DNAJC12: variants seen among roughly 807,000 people sequenced by gnomAD.
DNAJC12 encodes the protein dnaJ homolog subfamily C member 12.
DNAJC12 carries 25 observed loss-of-function variants against 28.5 expected under a neutral mutation model. The ratio of observed to expected loss-of-function variants is 0.88; its 90% confidence interval spans 0.64 to 1.22. The LOEUF (loss-of-function observed/expected upper bound fraction) is 1.22. DNAJC12 is among the 50% of genes most tolerant of loss of function. The pLI, the probability that DNAJC12 is intolerant of heterozygous loss-of-function variation, is 0.00. For missense variants in DNAJC12, 222 were observed against 231.7 expected (o/e 0.96, Z 0.27); for synonymous variants, 77 against 80.6 (o/e 0.95, Z 0.24).
At position 67,811,536 on chromosome 10, in the gene DNAJC12, G is replaced by T. The variant is rs377051523; in HGVS notation, c.285C>A (p.Asp95Glu). ...GCGAGAAACCCACCGTCTTCACTGA[G>T]TCATTCAAAGCTTCCCACTGCTGGA... ...MPFQQWEALN[D>E]SVKTSMHWVV... The change falls in exon 3 of 5, where the codon GAC (aspartate) becomes GAA (glutamate). Residue 95 changes from aspartate to glutamate, a missense_variant. By Grantham distance (45) the Asp-to-Glu change is conservative (BLOSUM62 2). Transcript: ENST00000225171. 40 of 1,614,060 alleles carry T rather than the reference G, an allele frequency of 2.5e-5. No homozygotes were observed. Among genetic ancestry groups the T allele is most frequent in the Non-Finnish European group, 3.2e-5 (38 of 1,180,026 alleles).
At chr10:67,816,527 G>A (rs1216804785) in intron 2 of DNAJC12, among the ~76,000 whole-genome samples, 2 of 143,634 alleles carry the variant, frequency 1.4e-5, no homozygotes, top group Non-Finnish European at 3.0e-5. Context: ...CAGGTTCTTA[G>A]TCTGAAGTTT....
chr10:67,799,888 A>AAAAAC (rs1290521475), intron 4 of DNAJC12, among the ~76,000 whole-genome samples: 1 of 150,492 alleles, frequency 6.6e-6, no homozygotes, highest in African/African-American at 2.4e-5. Context: ...CAAAAAAAAA[A>AAAAAC]AAATGTAGTT....
chr10:67,800,800 C>G (rs896263048), intron 4 of DNAJC12, among the ~76,000 whole-genome samples: 2 of 152,034 alleles, frequency 1.3e-5, no homozygotes, highest in Non-Finnish European at 2.9e-5. Flanking sequence ...AAAAAATTAG[C>G]CGGGCATGAT....
chr10:67,830,609 A>AT (rs1564867384), intron 1 of DNAJC12, among the ~76,000 whole-genome samples: 2 of 139,304 alleles, frequency 1.4e-5, no homozygotes, highest in East Asian at 2.6e-4. Context: ...CTCCGTCTCA[A>AT]AAAATAAATA....
At chr10:67,836,201 G>T (rs1842141157) in intron 1 of DNAJC12, among the ~76,000 whole-genome samples, 1 of 151,992 alleles carries the variant, frequency 6.6e-6, no homozygotes, top group Non-Finnish European at 1.5e-5. Context: ...CCTGTCGGGG[G>T]GTGGGGGAGA....
At chr10:67,822,717 G>T (rs1329838809) in intron 2 of DNAJC12, among the ~76,000 whole-genome samples, 3 of 152,032 alleles carry the variant, frequency 2.0e-5, no homozygotes, top group Non-Finnish European at 4.4e-5. Flanking sequence ...CAACCGCCTA[G>T]CCGGGCACAC....
At chr10:67,811,145 G>C (rs756980649) in intron 3 of DNAJC12, 1 of 335,892 alleles carries the variant, frequency 3.0e-6, no homozygotes, top group Non-Finnish European at 4.3e-6. Context: ...CTTGAAAAGA[G>C]AGCAAGCTGA....
intron 1 of DNAJC12, among the ~76,000 whole-genome samples, chr10:67,835,264 G>C (rs1842131121): frequency 6.6e-6 from 1 of 152,076 alleles, no homozygotes; most frequent in African/African-American, 2.4e-5. Context: ...GATGAGTTCT[G>C]GTTAATTTTA....
chr10:67,828,678 A>C (rs150034717), intron 1 of DNAJC12, among the ~76,000 whole-genome samples: 21,205 of 133,496 alleles, frequency 0.16, 2,041 homozygotes, highest in African/African-American at 0.3. Flanking sequence ...CTCTCTCTAT[A>C]TATATATATA....
intron 1 of DNAJC12, among the ~76,000 whole-genome samples, chr10:67,837,575 T>C (rs1356204138): frequency 6.6e-6 from 1 of 152,158 alleles, no homozygotes; most frequent in Non-Finnish European, 1.5e-5. Flanking sequence ...CAATTATGAG[T>C]CACCATAATA....
chr10:67,826,616 A>G (rs1399193188), intron 1 of DNAJC12, among the ~76,000 whole-genome samples: 1 of 133,818 alleles, frequency 7.5e-6, no homozygotes, highest in African/African-American at 2.8e-5. Flanking sequence ...CTAATGATAT[A>G]TATTATATAT....
In DNAJC12 at chr10:67,797,191, AC is replaced by A. The variant is rs762636300; in HGVS notation, c.521del (p.Gly174ValfsTer17). The part of the protein sequence containing the change: ...SDSSGFADVN[G>X]WHLRFRWSKD... ...TGGACCAGCGGAAACGAAGGTGCCA[AC>A]CATTCACATCTGCAAAACCTTTAAA... On this transcript the variant is annotated frameshift_variant, in exon 5 of 5. Coordinates refer to ENST00000225171, the MANE Select transcript of DNAJC12 (RefSeq NM_021800.3). LOFTEE classifies it high-confidence loss of function. 1 of 1,613,904 alleles carries A rather than the reference AC, an allele frequency of 6.2e-7. No homozygotes were observed. Among genetic ancestry groups the A allele is most frequent in the South Asian group, 1.1e-5 (1 of 91,030 alleles).
intron 3 of DNAJC12, among the ~76,000 whole-genome samples, chr10:67,810,014 G>A (rs566352646): frequency 1.4e-4 from 21 of 152,102 alleles, no homozygotes; most frequent in Non-Finnish European, 2.6e-4. Flanking sequence ...AACTACCTGA[G>A]ACTCAGTAAT....
At position 67,811,435 on chromosome 10, in the gene DNAJC12, G is replaced by A. The variant is rs544869970; in HGVS notation, c.297+89C>T. On this transcript the variant is annotated intron_variant, in intron 3 of 4. Coordinates refer to ENST00000225171, the MANE Select transcript of DNAJC12 (RefSeq NM_021800.3). ...ACTTCTTGGTTTTCTCCCTCCTATC[G>A]CCTAATGACTCTTTAAGCTACTACA... 112 of 1,557,688 alleles carry A rather than the reference G, an allele frequency of 7.2e-5. No homozygotes were observed. The East Asian group carries it at 1.1e-3, about 15-fold the overall frequency.
chr10:67,814,158 G>C (rs1445361250), intron 2 of DNAJC12, among the ~76,000 whole-genome samples: 1 of 151,780 alleles, frequency 6.6e-6, no homozygotes, highest in Non-Finnish European at 1.5e-5. Flanking sequence ...CATAAGGATA[G>C]ACATACTTAT....
rs1295104274 is a variant in DNAJC12, at chr10:67,816,539, CTTTCTTTT to C, written c.158-4884_158-4877del. The stretch of plus-strand genomic sequence containing the variant: ...CCACAGGTTCTTAGTCTGAAGTTTA[CTTTCTTTT>C]TTTTTTTTTTTTTTTTGAGGCAGAG... On this transcript the variant is annotated intron_variant, in intron 2 of 4. Transcript: ENST00000225171. 3.4e-3 allele frequency among the ~76,000 whole-genome samples: 441 copies of C among 131,390 alleles called. 20 individuals carry two copies. The South Asian group carries it at 0.072, about 22-fold the overall frequency. 86.2% of individuals were successfully genotyped at this position (131,390 alleles called of 152,430 possible). A position where few individuals can be genotyped will look rare whatever the true frequency, so the allele number is the denominator to read the frequency against.
chr10:67,820,664 CCT>C (rs1207533630), intron 2 of DNAJC12, among the ~76,000 whole-genome samples: 7 of 151,798 alleles, frequency 4.6e-5, no homozygotes, highest in Non-Finnish European at 1.0e-4. Context: ...CAAAAGATGA[CCT>C]CACATATAGA....
chr10:67,819,177 C>CA (rs1287407354), intron 2 of DNAJC12, among the ~76,000 whole-genome samples: 1 of 151,746 alleles, frequency 6.6e-6, no homozygotes, highest in Non-Finnish European at 1.5e-5. Flanking sequence ...AGTAAAAATA[C>CA]AAAAAATTAG....
intron 1 of DNAJC12, chr10:67,825,340 A>C (rs1444266962): frequency 6.6e-6 from 1 of 152,188 alleles, no homozygotes; most frequent in Non-Finnish European, 1.5e-5. Flanking sequence ...GCCCAGGCTG[A>C]AGTGCAGTGG....
Sources: gnomAD v4.1 joint callset for allele counts (sites outside exome capture counted in the v4.1 genomes callset) on GRCh38, gnomAD v4.1.1 for gene constraint, MANE v1.5 for transcripts, NCBI Gene and HGNC (gene_info 2026-07-23, HGNC 2026-07-21) for gene names.